PTPRG: variants seen among roughly 807,000 people sequenced by gnomAD.
The protein encoded by PTPRG is protein tyrosine phosphatase receptor type G.
A neutral mutation model predicts 165.3 loss-of-function variants in PTPRG; 102 were observed. The observed-to-expected ratio is 0.62, with a 90% confidence interval of 0.53 to 0.73. The LOEUF is 0.73. PTPRG is among the 30% of genes least tolerant of loss of function. The pLI is 0.00. For missense variants in PTPRG, 1,866 were observed against 1,861.4 expected, an observed-to-expected ratio of 1.00 and a Z score of -0.05; for synonymous variants, 675 against 669.5, an observed-to-expected ratio of 1.01 and a Z score of -0.13.
chr3:61,845,772 A>G (rs1311397502), intron 2 of PTPRG, among the ~76,000 whole-genome samples: 1 of 152,222 alleles, frequency 6.6e-6, no homozygotes, highest in African/African-American at 2.4e-5. Context: ...AAGCATGTAT[A>G]TTAATAAGTT....
rs2106745376 is a variant in PTPRG, at chr3:61,562,117, C to G, written c.-171C>G. ...TCACTTTTTGAGATTTTCCGGGGGG[C>G]GCTCGGCGGCTTCCCGGATTCCAAG... On this transcript the variant is annotated 5_prime_UTR_variant, in exon 1 of 30. Coordinates refer to ENST00000474889, the MANE Select transcript of PTPRG (RefSeq NM_002841.4). The G allele has an allele frequency of 1.3e-5, 7 of 530,392 alleles. No homozygotes were observed. The highest frequency in any genetic ancestry group is 4.2e-5 in the South Asian group (2 of 47,872). The allele number at this position is 530,392 out of a possible 1,614,324, so 32.9% of individuals were successfully genotyped here.
intron 2 of PTPRG, among the ~76,000 whole-genome samples, chr3:61,888,835 A>G (rs1042433135): frequency 6.6e-6 from 1 of 152,102 alleles, no homozygotes; most frequent in African/African-American, 2.4e-5. Flanking sequence ...TTAATCTGGA[A>G]CTGTTCCTGA....
chr3:62,287,617 G>T (rs1702719255), intron 28 of PTPRG, among the ~76,000 whole-genome samples: 1 of 152,044 alleles, frequency 6.6e-6, no homozygotes. Context: ...AGTTATCCAT[G>T]GGGCAATAAA....
intron 6 of PTPRG, among the ~76,000 whole-genome samples, chr3:62,150,059 G>A (rs945464776): frequency 4.6e-5 from 7 of 152,134 alleles, no homozygotes; most frequent in Admixed American, 1.3e-4. Flanking sequence ...TCAATCAAAT[G>A]TTTCCTTCTC....
intron 6 of PTPRG, among the ~76,000 whole-genome samples, chr3:62,141,501 G>T (rs557283776): frequency 6.6e-6 from 1 of 152,256 alleles, no homozygotes; most frequent in South Asian, 2.1e-4. Context: ...TTGGGGAGCT[G>T]AGGTGGGAGG....
chr3:61,680,852 G>A (rs1486593763), intron 1 of PTPRG, among the ~76,000 whole-genome samples: 1 of 119,044 alleles, frequency 8.4e-6, no homozygotes, highest in African/African-American at 2.8e-5. Context: ...AACTTGCTGG[G>A]TGTTGGGAAC....
chr3:61,564,118 A>G (rs1053082240), intron 1 of PTPRG, among the ~76,000 whole-genome samples: 9 of 152,262 alleles, frequency 5.9e-5, no homozygotes, highest in East Asian at 3.9e-4. Context: ...CCATGGGGAC[A>G]TCTCCCCTTA....
At chr3:61,596,429 C>G (rs1169007775) in intron 1 of PTPRG, among the ~76,000 whole-genome samples, 1 of 111,174 alleles carries the variant, frequency 9.0e-6, no homozygotes, top group Non-Finnish European at 1.9e-5. Flanking sequence ...GAATCTGTTT[C>G]AATTCGGATG....
chr3:61,565,495 C>G (rs1209000708), intron 1 of PTPRG, among the ~76,000 whole-genome samples: 3 of 152,094 alleles, frequency 2.0e-5, no homozygotes, highest in Non-Finnish European at 2.9e-5. Flanking sequence ...ATAGTTCATT[C>G]AAACTCTGAT....
intron 1 of PTPRG, among the ~76,000 whole-genome samples, chr3:61,712,490 T>C (rs1352337472): frequency 6.6e-6 from 1 of 152,082 alleles, no homozygotes; most frequent in Admixed American, 6.5e-5. Context: ...TGGGAGGTGA[T>C]TGGATCACGG....
intron 1 of PTPRG, among the ~76,000 whole-genome samples, chr3:61,656,815 A>G (rs1702521380): frequency 6.6e-6 from 1 of 152,172 alleles, no homozygotes; most frequent in Non-Finnish European, 1.5e-5. Flanking sequence ...ACTATAAAAA[A>G]TGTTTTTACT....
At chr3:61,992,787 G>A (rs527649864) in intron 3 of PTPRG, among the ~76,000 whole-genome samples, 4 of 152,184 alleles carry the variant, frequency 2.6e-5, no homozygotes, top group Non-Finnish European at 5.9e-5. Context: ...CTCCCAAAGT[G>A]CTGGGATTAC....
chr3:61,976,115 G>A (rs566472680), intron 2 of PTPRG, among the ~76,000 whole-genome samples: 10 of 152,214 alleles, frequency 6.6e-5, no homozygotes, highest in African/African-American at 2.2e-4. Context: ...CAACTGACAT[G>A]GATGCATTTC....
chr3:61,821,350 T>C (rs551179208), intron 2 of PTPRG, among the ~76,000 whole-genome samples: 1 of 152,250 alleles, frequency 6.6e-6, no homozygotes, highest in South Asian at 2.1e-4. Flanking sequence ...TTTGTATTTT[T>C]AGTAGAGACG....
chr3:62,040,121 C>T (rs1454597495), intron 4 of PTPRG, among the ~76,000 whole-genome samples: 3 of 152,166 alleles, frequency 2.0e-5, no homozygotes, highest in African/African-American at 7.2e-5. Context: ...TAAAATATAG[C>T]ATGAGCGTTG....
At chr3:62,111,089 C>T (rs973731755) in intron 5 of PTPRG, among the ~76,000 whole-genome samples, 2 of 152,300 alleles carry the variant, frequency 1.3e-5, no homozygotes, top group East Asian at 1.9e-4. Flanking sequence ...TCTGGTTTCT[C>T]TTCATACATG....
intron 1 of PTPRG, among the ~76,000 whole-genome samples, chr3:61,602,799 A>G (rs903286805): frequency 1.3e-5 from 2 of 152,078 alleles, no homozygotes; most frequent in African/African-American, 2.4e-5. Context: ...GTGAGAACTG[A>G]TTGTTACATT....
In PTPRG at chr3:62,204,716, A is replaced by G. The variant is rs531560060; in HGVS notation, c.2155+766A>G. Reference sequence around the variant, plus strand: ...TGGTATTGGCCCATGGTCCTTGCCCAAGAAATACGGCCCTCTCTCCCAGAG... The same window carrying G: ...TGGTATTGGCCCATGGTCCTTGCCCGAGAAATACGGCCCTCTCTCCCAGAG... On this transcript the variant is annotated intron_variant, in intron 12 of 29. Transcript: ENST00000474889. 5.3e-5 allele frequency among the ~76,000 whole-genome samples: 8 copies of G among 152,314 alleles called. No individual in the cohort carries two copies. In the South Asian group the frequency reaches 1.7e-3, roughly 32 times the overall value.
At chr3:62,027,423 C>G (rs1379306426) in intron 4 of PTPRG, among the ~76,000 whole-genome samples, 1 of 152,090 alleles carries the variant, frequency 6.6e-6, no homozygotes, top group African/African-American at 2.4e-5. Flanking sequence ...GCCACCCCAC[C>G]ATCCCCTGAA....
Sources: gnomAD v4.1 joint callset for allele counts (sites outside exome capture counted in the v4.1 genomes callset) on GRCh38, gnomAD v4.1.1 for gene constraint, MANE v1.5 for transcripts, NCBI Gene and HGNC (gene_info 2026-07-23, HGNC 2026-07-21) for gene names.